HKDC1: variants seen among roughly 807,000 people sequenced by gnomAD.
HKDC1 encodes hexokinase HKDC1.
Under a neutral mutation model 96.6 loss-of-function variants are expected in HKDC1, and 66 were observed. The ratio of observed to expected loss-of-function variants is 0.68; its 90% CI spans 0.56 to 0.84. HKDC1 has a LOEUF of 0.84. HKDC1 is among the 40% of genes least tolerant of loss of function. The pLI is 0.00. For synonymous variants in HKDC1, 466 were observed against 473.1 expected (o/e 0.98, Z 0.20); for missense variants, 1,211 against 1,208.1 (o/e 1.00, Z -0.04).
chr10:69,237,925 C>T (rs933859253), intron 4 of HKDC1, among the ~76,000 whole-genome samples: 13 of 152,170 alleles, frequency 8.5e-5, no homozygotes, highest in South Asian at 2.1e-4. Context: ...GGAGGAGGTG[C>T]GGTCAGGAAG....
intron 1 of HKDC1, chr10:69,222,775 T>G (rs2132326534): frequency 6.6e-6 from 1 of 152,286 alleles, no homozygotes; most frequent in African/African-American, 2.4e-5. Flanking sequence ...CTTAAGCAAG[T>G]GCCCCAGGAA....
intron 7 of HKDC1, among the ~76,000 whole-genome samples, chr10:69,245,637 A>G (rs1325355509): frequency 6.6e-6 from 1 of 151,752 alleles, no homozygotes; most frequent in African/African-American, 2.4e-5. Context: ...GGAAACAATT[A>G]GGAATTGTTG....
chr10:69,222,236 A>G (rs191957819), intron 1 of HKDC1, among the ~76,000 whole-genome samples: 2 of 152,308 alleles, frequency 1.3e-5, no homozygotes, highest in East Asian at 3.9e-4. Context: ...CAAAACAAAG[A>G]AAGAGAGAGA....
chr10:69,231,058 C>G (rs1391506199), intron 2 of HKDC1, among the ~76,000 whole-genome samples: 1 of 152,162 alleles, frequency 6.6e-6, no homozygotes, highest in Non-Finnish European at 1.5e-5. Flanking sequence ...ATGTGGCATC[C>G]ATGAAATGGC....
chr10:69,250,041 C>T (rs1412722432), intron 10 of HKDC1, among the ~76,000 whole-genome samples: 3 of 152,306 alleles, frequency 2.0e-5, no homozygotes, highest in Middle Eastern at 3.4e-3. Context: ...ACCTCACTGG[C>T]GATAGTGTAG....
rs535368605 is a variant in HKDC1, at chr10:69,232,809, G to A, written c.272G>A (p.Arg91Gln). The change falls in exon 3 of 18, where the codon CGA becomes CAA. Residue 91 changes from arginine to glutamine, a missense_variant. Arg to Gln is a conservative substitution (Grantham distance 43). Coordinates refer to ENST00000354624, the MANE Select transcript of HKDC1 (RefSeq NM_025130.4). Reference sequence around the variant, plus strand: ...CTGGATCTCGGAGGGTCCAAGTTCCGAGTGCTGAAGGTGCAAGTCGCTGAA... The same window carrying A: ...CTGGATCTCGGAGGGTCCAAGTTCCAAGTGCTGAAGGTGCAAGTCGCTGAA... ...LSLDLGGSKF[R>Q]VLKVQVAEEG... 54 of 1,614,092 alleles carry A rather than the reference G, an allele frequency of 3.3e-5. No homozygotes were observed. The highest frequency in any genetic ancestry group is 1.8e-4 in the Admixed American group (11 of 60,008).
intron 1 of HKDC1, among the ~76,000 whole-genome samples, chr10:69,221,057 G>A (rs1478324855): frequency 6.6e-6 from 1 of 152,142 alleles, no homozygotes; most frequent in African/African-American, 2.4e-5. Flanking sequence ...GGCTGAGGCA[G>A]GAGAATCGCT....
Position 69,236,040 on chromosome 10 carries a change from C to A in HKDC1, c.495+2907C>A, listed in dbSNP as rs188157683. Among the ~76,000 whole-genome samples the A allele has an allele frequency of 2.0e-5, 3 of 152,240 alleles. 1 individual carries two copies. The highest frequency in any genetic ancestry group is 7.2e-5 in the African/African-American group (3 of 41,544). On this transcript the variant is annotated intron_variant, in intron 4 of 17. Coordinates refer to ENST00000354624, the MANE Select transcript of HKDC1 (RefSeq NM_025130.4). ...GTAGCCCACCCCAAGTTCATAAGCT[C>A]CCCAACTACAGTGCCTTTCCAGAAA...
Position 69,265,783 on chromosome 10 carries a change from G to A in HKDC1, c.2571G>A (p.Val857=). The change falls in exon 17 of 18, where the codon GTG becomes GTA. Residue 857 remains valine, a synonymous_variant. Coordinates refer to ENST00000354624, the MANE Select transcript of HKDC1 (RefSeq NM_025130.4). ...GGCTAGAGCACCTGAGGATCACTGT[G>A]GGTGTGGACGGCACCCTGTACAAGC... ...DQGLEHLRIT[V]GVDGTLYKLH... 4 of 1,613,370 alleles carry A rather than the reference G, an allele frequency of 2.5e-6. No homozygotes were observed. The highest frequency in any genetic ancestry group is 2.2e-5 in the South Asian group (2 of 91,032).
At chr10:69,242,774 T>G (rs1053500909) in intron 6 of HKDC1, among the ~76,000 whole-genome samples, 1 of 152,202 alleles carries the variant, frequency 6.6e-6, no homozygotes, top group African/African-American at 2.4e-5. Context: ...TAAAGAATAT[T>G]TTTAGTATCA....
chr10:69,246,916 T>A (rs944815804), intron 8 of HKDC1, among the ~76,000 whole-genome samples: 2 of 152,260 alleles, frequency 1.3e-5, no homozygotes, highest in Admixed American at 6.5e-5. Context: ...AGCATCTATG[T>A]CTATGCAGAA....
chr10:69,242,005 T>C lies in HKDC1; in HGVS notation c.692-1177T>C, dbSNP rs1418171694. On this transcript the variant is annotated intron_variant, in intron 6 of 17. Coordinates refer to ENST00000354624, the MANE Select transcript of HKDC1 (RefSeq NM_025130.4). ...CTGGAGGAATGTGTGGGAAGGCAGT[T>C]TGGGGTACAGTAAAGCTGAATGGCT... Among the ~76,000 whole-genome samples, 4 of 152,182 alleles carry C rather than the reference T, an allele frequency of 2.6e-5. No homozygotes were observed. In the East Asian group the frequency reaches 7.7e-4, roughly 29 times the overall value.
chr10:69,235,453 GCAAACAAAAAA>G (rs1334640384), intron 4 of HKDC1, among the ~76,000 whole-genome samples: 1 of 151,474 alleles, frequency 6.6e-6, no homozygotes, highest in Non-Finnish European at 1.5e-5. Flanking sequence ...ACAACAACAA[GCAAACAAAAAA>G]CAAACAAAAA....
intron 15 of HKDC1, among the ~76,000 whole-genome samples, chr10:69,260,262 C>A (rs1482705149): frequency 6.6e-6 from 1 of 152,174 alleles, no homozygotes; most frequent in African/African-American, 2.4e-5. Flanking sequence ...CTGGTGGTTT[C>A]TTTCCTCTTT....
chr10:69,231,991 C>T, intron 2 of HKDC1, among the ~76,000 whole-genome samples: 1 of 152,214 alleles, frequency 6.6e-6, no homozygotes, highest in African/African-American at 2.4e-5. Flanking sequence ...GCTGGCTGCA[C>T]CTTTGCTACT....
At position 69,247,117 on chromosome 10, in the gene HKDC1, G is replaced by T. The variant is rs534439869; in HGVS notation, c.1032-243G>T. Among the ~76,000 whole-genome samples the T allele has an allele frequency of 1.8e-4, 27 of 152,294 alleles. No individual in the cohort carries two copies. The Middle Eastern group carries it at 0.014, about 77-fold the overall frequency. Reference sequence around the variant, plus strand: ...CGACAGGGTAATGACGGTGCCTCCCGCAGGATTTTTGTGGGCGTTGAAGGA... The same window carrying T: ...CGACAGGGTAATGACGGTGCCTCCCTCAGGATTTTTGTGGGCGTTGAAGGA... On this transcript the variant is annotated intron_variant, in intron 8 of 17. Transcript: ENST00000354624.
chr10:69,246,187 C>T lies in HKDC1; in HGVS notation c.984C>T (p.Leu328=). Reference sequence around the variant, plus strand: ...TTGGTGGTGAGAAATCTTCTGCTCTCCACACTAAGGGCAAGATCGAAACAC... The same window carrying T: ...TTGGTGGTGAGAAATCTTCTGCTCTTCACACTAAGGGCAAGATCGAAACAC... ...LLFGGEKSSA[L]HTKGKIETRH... Residue 328 remains leucine (L), a synonymous_variant, in exon 8 of 18, where the codon CTC becomes CTT. Transcript: ENST00000354624. The T allele has an allele frequency of 6.2e-7, 1 of 1,614,238 alleles. No individual in the cohort carries two copies. The highest frequency in any genetic ancestry group is 2.2e-5 in the East Asian group (1 of 44,888).
chr10:69,256,994 A>T lies in HKDC1; in HGVS notation c.1837-42A>T, dbSNP rs564975156. 1.3e-5 allele frequency: 19 copies of T among 1,494,842 alleles called. No individual in the cohort carries two copies. The East Asian group carries it at 4.3e-4, about 34-fold the overall frequency. The allele number at this position is 1,494,842 out of a possible 1,614,324, so 92.6% of individuals were successfully genotyped here. ...GATGTTGAGGTTGTGCAGTGGCCCTAGCAAACTATTGCTCAAATGAATTTC... is the reference window on the plus strand; with the variant it reads ...GATGTTGAGGTTGTGCAGTGGCCCTTGCAAACTATTGCTCAAATGAATTTC... On this transcript the variant is annotated intron_variant, in intron 12 of 17. Coordinates refer to ENST00000354624, the MANE Select transcript of HKDC1 (RefSeq NM_025130.4).
At position 69,240,641 on chromosome 10, in the gene HKDC1, G is replaced by A; in HGVS notation, c.592-11G>A. 6.2e-7 allele frequency: 1 copy of A among 1,612,058 alleles called. No individual in the cohort carries two copies. On this transcript the variant is annotated splice_polypyrimidine_tract_variant and intron_variant, in intron 5 of 17. Coordinates refer to ENST00000354624, the MANE Select transcript of HKDC1 (RefSeq NM_025130.4). ...CCACCCGCTGATTCCCTCTGGCCTT[G>A]TGTTCGGCAGGACATGGACGTGGAC...
Sources: allele counts gnomAD v4.1 joint callset (sites outside exome capture counted in the v4.1 genomes callset), GRCh38; gene constraint gnomAD v4.1.1; transcripts MANE v1.5; gene names NCBI Gene and HGNC (gene_info 2026-07-23, HGNC 2026-07-21).